The following NRG3 variants were observed in gnomAD, a reference collection of about 807,000 sequenced individuals.
NRG3 encodes pro-neuregulin-3, membrane-bound isoform.
NRG3 carries 31 observed loss-of-function variants against 66.9 expected under a neutral mutation model. The ratio of observed to expected loss-of-function variants is 0.46; its 90% CI spans 0.35 to 0.63. NRG3 has a LOEUF of 0.63. NRG3 is among the 20% of genes least tolerant of loss of function. NRG3 has a pLI of 0.00. For synonymous variants in NRG3, 393 were observed against 359.4 expected (o/e 1.09, Z -1.06); for missense variants, 910 against 878.9 (o/e 1.04, Z -0.45).
chr10:82,137,229 G>A (rs558897845), intron 1 of NRG3, among the ~76,000 whole-genome samples: 1 of 152,276 alleles, frequency 6.6e-6, no homozygotes, highest in East Asian at 1.9e-4. Context: ...AAAGGAAATA[G>A]CAGAAAAGAC....
At chr10:82,648,168 A>G (rs2051108417) in intron 2 of NRG3, among the ~76,000 whole-genome samples, 1 of 151,862 alleles carries the variant, frequency 6.6e-6, no homozygotes, top group Non-Finnish European at 1.5e-5. Context: ...ATCCATCTTG[A>G]ATTCATTTTT....
At chr10:82,315,532 A>G (rs1216122202) in intron 1 of NRG3, among the ~76,000 whole-genome samples, 1 of 152,148 alleles carries the variant, frequency 6.6e-6, no homozygotes, top group Non-Finnish European at 1.5e-5. Flanking sequence ...TCCTGTGTGA[A>G]TAGTGCCTCC....
chr10:82,319,427 G>A (rs974478677), intron 1 of NRG3, among the ~76,000 whole-genome samples: 18 of 152,180 alleles, frequency 1.2e-4, no homozygotes, highest in African/African-American at 3.6e-4. Flanking sequence ...AAATTCCGCC[G>A]AAAGGCAAAT....
In NRG3 at chr10:82,585,344, A is replaced by G. The variant is rs112715633; in HGVS notation, c.954-153233A>G. ...TACAATTTTTAGTGGACTAATGAAAATAAGCAGAAAGTATAACCTATCTGA... is the reference window on the plus strand; with the variant it reads ...TACAATTTTTAGTGGACTAATGAAAGTAAGCAGAAAGTATAACCTATCTGA... On this transcript the variant is annotated intron_variant, in intron 2 of 8. Transcript: ENST00000372141. Among the ~76,000 whole-genome samples, 254 of 152,310 alleles carry G rather than the reference A, an allele frequency of 1.7e-3. 2 individuals are homozygous for G. The highest frequency in any genetic ancestry group is 5.8e-3 in the African/African-American group (241 of 41,574).
chr10:82,299,993 G>T (rs186915410), intron 1 of NRG3, among the ~76,000 whole-genome samples: 1 of 152,144 alleles, frequency 6.6e-6, no homozygotes, highest in East Asian at 1.9e-4. Context: ...TAATCAAGGG[G>T]CTCAGAAAAA....
In NRG3 at chr10:81,957,061, A is replaced by T. The variant is rs1405215069; in HGVS notation, c.823+80898A>T. Among the ~76,000 whole-genome samples the T allele has an allele frequency of 4.6e-5, 7 of 152,272 alleles. No homozygotes were observed. In the East Asian group the frequency reaches 7.7e-4, roughly 17 times the overall value. On this transcript the variant is annotated intron_variant, in intron 1 of 8. Transcript: ENST00000372141. The stretch of plus-strand genomic sequence containing the variant: ...CCCATAAGATTAATTCTCACCAGTA[A>T]CATGGTGCTTCTTGGATAGGGTTAT...
intron 1 of NRG3, among the ~76,000 whole-genome samples, chr10:82,287,329 C>G (rs1212612546): frequency 6.6e-6 from 1 of 152,036 alleles, no homozygotes; most frequent in Non-Finnish European, 1.5e-5. Flanking sequence ...TGTTTGTTTT[C>G]TGCCATGGGT....
chr10:82,126,465 G>A (rs1411773254), intron 1 of NRG3, among the ~76,000 whole-genome samples: 1 of 152,046 alleles, frequency 6.6e-6, no homozygotes, highest in East Asian at 1.9e-4. Flanking sequence ...CCCAGTAGAT[G>A]TCCTAGTAGA....
intron 2 of NRG3, among the ~76,000 whole-genome samples, chr10:82,546,514 A>G (rs755131733): frequency 9.8e-5 from 15 of 152,296 alleles, no homozygotes; most frequent in Admixed American, 3.3e-4. Context: ...AAAAATGTCT[A>G]TGATATATGT....
intron 2 of NRG3, among the ~76,000 whole-genome samples, chr10:82,587,782 C>A (rs1379516021): frequency 2.0e-5 from 3 of 152,122 alleles, no homozygotes; most frequent in Non-Finnish European, 4.4e-5. Flanking sequence ...TCAACCAGAG[C>A]TCCTGATATT....
At chr10:81,935,523 A>G (rs1847774790) in intron 1 of NRG3, among the ~76,000 whole-genome samples, 1 of 152,156 alleles carries the variant, frequency 6.6e-6, no homozygotes, top group Non-Finnish European at 1.5e-5. Context: ...ATACTTTGTT[A>G]TAGTGGCTAA....
intron 2 of NRG3, among the ~76,000 whole-genome samples, chr10:82,573,800 A>T (rs2045880970): frequency 6.6e-6 from 1 of 151,806 alleles, no homozygotes; most frequent in South Asian, 2.1e-4. Context: ...TGAGGGTTTG[A>T]TTACCCAAGG....
chr10:82,435,776 TTTC>T (rs1366115647), intron 2 of NRG3, among the ~76,000 whole-genome samples: 134 of 142,456 alleles, frequency 9.4e-4, no homozygotes, highest in African/African-American at 3.6e-3. Flanking sequence ...TTTCTTTTCT[TTTC>T]TTTTTTTTTT....
chr10:82,050,340 G>A (rs1279216843), intron 1 of NRG3, among the ~76,000 whole-genome samples: 1 of 151,362 alleles, frequency 6.6e-6, no homozygotes, highest in Non-Finnish European at 1.5e-5. Context: ...TTGCACCCAA[G>A]TAATATTTTA....
chr10:82,357,843 A>T (rs2083881229), intron 1 of NRG3, among the ~76,000 whole-genome samples: 1 of 152,216 alleles, frequency 6.6e-6, no homozygotes, highest in Non-Finnish European at 1.5e-5. Flanking sequence ...ATTATTATTA[A>T]TCTAAATCTC....
At chr10:82,562,796 T>G (rs1468433478) in intron 2 of NRG3, among the ~76,000 whole-genome samples, 1 of 151,484 alleles carries the variant, frequency 6.6e-6, no homozygotes, top group Non-Finnish European at 1.5e-5. Context: ...ATTTTCTATT[T>G]CTAGCTGTAA....
chr10:81,900,073 A>G (rs929734562), intron 1 of NRG3, among the ~76,000 whole-genome samples: 10 of 151,738 alleles, frequency 6.6e-5, no homozygotes, highest in Admixed American at 5.9e-4. Flanking sequence ...CAGCCTCCCA[A>G]GTAGCTGGGA....
intron 1 of NRG3, among the ~76,000 whole-genome samples, chr10:82,138,480 T>C (rs2069523793): frequency 6.6e-6 from 1 of 152,166 alleles, no homozygotes; most frequent in African/African-American, 2.4e-5. Context: ...AGAGTGATAC[T>C]ACTGACAGTG....
intron 2 of NRG3, among the ~76,000 whole-genome samples, chr10:82,658,785 T>G (rs2052079369): frequency 6.6e-6 from 1 of 152,178 alleles, no homozygotes; most frequent in African/African-American, 2.4e-5. Flanking sequence ...CACATTAAAA[T>G]TTATTATTTT....
Sources: gnomAD v4.1 joint callset for allele counts (sites outside exome capture counted in the v4.1 genomes callset) on GRCh38, gnomAD v4.1.1 for gene constraint, MANE v1.5 for transcripts, NCBI Gene and HGNC (gene_info 2026-07-23, HGNC 2026-07-21) for gene names.